FCHO2: variants seen among roughly 807,000 people sequenced by gnomAD.
FCHO2 encodes F-BAR domain only protein 2.
FCHO2 carries 43 observed loss-of-function variants against 114.1 expected under a neutral mutation model. That is an observed-to-expected ratio of 0.38 (90% CI 0.30 to 0.49). The LOEUF (loss-of-function observed/expected upper bound fraction) is 0.49, where lower values mean the gene tolerates loss of function less well. FCHO2 is among the 20% of genes least tolerant of loss of function. The pLI is 0.97. For synonymous variants in FCHO2, 293 were observed against 315.2 expected (o/e 0.93, Z 0.75); for missense variants, 807 against 950.4 (o/e 0.85, Z 1.98).
In FCHO2 at chr5:73,013,066, T is replaced by A. The variant is rs78327948; in HGVS notation, c.601-2560T>A. On this transcript the variant is annotated intron_variant, in intron 6 of 25. Transcript: ENST00000430046. ...TTGCTGAAATTTAAGTTAAGGGCCA[T>A]CCTTCTAGTAAATGCTCCTCAGTTC... is the stretch of plus-strand genomic sequence containing the variant. 6.9e-3 allele frequency among the ~76,000 whole-genome samples: 1,054 copies of A among 152,326 alleles called. 7 individuals carry two copies. The highest frequency in any genetic ancestry group is 0.025 in the African/African-American group (1,030 of 41,568).
chr5:72,959,015 C>CTTCA (rs975849303), intron 1 of FCHO2, among the ~76,000 whole-genome samples: 1 of 152,140 alleles, frequency 6.6e-6, no homozygotes, highest in African/African-American at 2.4e-5. Context: ...TGGGAATAAA[C>CTTCA]TTCAATATTT....
intron 5 of FCHO2, chr5:72,997,003 G>T: frequency 2.5e-6 from 4 of 1,576,846 alleles, no homozygotes; most frequent in Non-Finnish European, 3.5e-6. Context: ...CCCTTTTGCG[G>T]TGGCAGATCT....
intron 24 of FCHO2, among the ~76,000 whole-genome samples, chr5:73,084,733 A>C (rs1275433761): frequency 2.0e-5 from 3 of 152,202 alleles, no homozygotes; most frequent in Admixed American, 2.0e-4. Flanking sequence ...ATTCATTTAC[A>C]CCTGCCATGC....
At chr5:73,059,680 G>A (rs1757760694) in intron 17 of FCHO2, among the ~76,000 whole-genome samples, 1 of 152,100 alleles carries the variant, frequency 6.6e-6, no homozygotes, top group African/African-American at 2.4e-5. Context: ...ACCTTTTGAA[G>A]GGAAGGTAAT....
rs916612397 is a variant in FCHO2, at chr5:72,976,250, AT to A, written c.125+7670del. 6.7e-4 allele frequency among the ~76,000 whole-genome samples: 102 copies of A among 151,324 alleles called. 1 individual carries two copies. The highest frequency in any genetic ancestry group is 6.8e-3 in the Middle Eastern group (2 of 292). On this transcript the variant is annotated intron_variant, in intron 2 of 25. Transcript: ENST00000430046. The stretch of plus-strand genomic sequence containing the variant: ...ATGATGTGGAGCATCTTTGCTTTTA[AT>A]TTTTTTTTGTAGAGGCAAGGTCTTG...
intron 1 of FCHO2, among the ~76,000 whole-genome samples, chr5:72,968,145 C>T (rs921299142): frequency 2.0e-5 from 3 of 150,636 alleles, no homozygotes; most frequent in Admixed American, 6.6e-5. Context: ...AGGATAGTCT[C>T]GACCTCCTGA....
At chr5:73,029,443 C>T (rs1010628779) in intron 8 of FCHO2, among the ~76,000 whole-genome samples, 9 of 152,164 alleles carry the variant, frequency 5.9e-5, no homozygotes, top group Non-Finnish European at 8.8e-5. Flanking sequence ...GAATGTTTCA[C>T]AGTGACTGAA....
At chr5:73,078,563 G>GT (rs1239909220) in intron 22 of FCHO2, among the ~76,000 whole-genome samples, 1 of 152,122 alleles carries the variant, frequency 6.6e-6, no homozygotes, top group East Asian at 1.9e-4. Flanking sequence ...AAGACTAGCA[G>GT]TATCAGTCTT....
intron 18 of FCHO2, among the ~76,000 whole-genome samples, chr5:73,064,459 C>G (rs752608502): frequency 5.3e-5 from 8 of 152,010 alleles, no homozygotes; most frequent in East Asian, 1.9e-4. Flanking sequence ...TCTATAGACT[C>G]TATGCAGTGA....
chr5:73,076,502 T>C (rs6888510), intron 20 of FCHO2, among the ~76,000 whole-genome samples: 45,274 of 151,952 alleles, frequency 0.3, 6,973 homozygotes, highest in East Asian at 0.44. Context: ...CCATTATTTA[T>C]GGAAAAACAG....
At chr5:73,041,660 T>C (rs1430521258) in intron 11 of FCHO2, among the ~76,000 whole-genome samples, 7 of 152,098 alleles carry the variant, frequency 4.6e-5, no homozygotes, top group African/African-American at 1.4e-4. Context: ...TTCTTAGCTC[T>C]ATTAAAATAC....
chr5:73,009,419 T>G (rs182566177), intron 6 of FCHO2, among the ~76,000 whole-genome samples: 1 of 152,342 alleles, frequency 6.6e-6, no homozygotes, highest in Admixed American at 6.5e-5. Context: ...TGATGTTACT[T>G]TATAAAAAAG....
In FCHO2 at chr5:72,989,431, A is replaced by G; in HGVS notation, c.130A>G (p.Thr44Ala). 6 of 1,604,424 alleles carry G rather than the reference A, an allele frequency of 3.7e-6. No homozygotes were observed. Among genetic ancestry groups the G allele is most frequent in the Non-Finnish European group, 5.1e-6 (6 of 1,174,930 alleles). ...ELADFVRERA[T>A]IEEAYSRSMT... ...TGTGGATATTTGATTTAACAGAGCT[A>G]CCATAGAGGAGGCATACTCCAGGTC... is the stretch of plus-strand genomic sequence containing the variant. The change falls in exon 3 of 26, where the codon ACC becomes GCC. Residue 44 changes from threonine to alanine, a missense_variant. Coordinates refer to ENST00000430046, the MANE Select transcript of FCHO2 (RefSeq NM_138782.3).
intron 5 of FCHO2, chr5:72,997,591 C>A (rs896615001): frequency 7.3e-6 from 10 of 1,361,398 alleles, no homozygotes; most frequent in Non-Finnish European, 1.1e-5. Flanking sequence ...TCAGGTTCAC[C>A]GCTGATGTTC....
At chr5:72,988,119 G>T (rs1438033476) in intron 2 of FCHO2, among the ~76,000 whole-genome samples, 4 of 152,086 alleles carry the variant, frequency 2.6e-5, no homozygotes, top group Non-Finnish European at 4.4e-5. Flanking sequence ...CAGGCAAAAG[G>T]TAAAACTATA....
chr5:73,072,055 G>T (rs1030067129), intron 19 of FCHO2, among the ~76,000 whole-genome samples: 30 of 151,224 alleles, frequency 2.0e-4, no homozygotes, highest in African/African-American at 5.1e-4. Flanking sequence ...ATGAGACAGG[G>T]TCTCACTCCA....
chr5:72,969,643 C>A (rs1169915135), intron 2 of FCHO2, among the ~76,000 whole-genome samples: 2 of 152,174 alleles, frequency 1.3e-5, no homozygotes, highest in African/African-American at 4.8e-5. Context: ...GCCTTTGAGC[C>A]CTGTTTATGT....
intron 8 of FCHO2, among the ~76,000 whole-genome samples, chr5:73,026,955 G>A (rs1331778002): frequency 1.3e-5 from 2 of 150,656 alleles, no homozygotes; most frequent in Non-Finnish European, 2.9e-5. Flanking sequence ...GCCTCCCAAA[G>A]TGCTGGGATT....
At chr5:72,971,361 T>A (rs999164440) in intron 2 of FCHO2, among the ~76,000 whole-genome samples, 1 of 151,988 alleles carries the variant, frequency 6.6e-6, no homozygotes, top group African/African-American at 2.4e-5. Context: ...CTCCAGCACC[T>A]GTTGTTTCCT....
Sources: allele counts gnomAD v4.1 joint callset (sites outside exome capture counted in the v4.1 genomes callset), GRCh38; gene constraint gnomAD v4.1.1; transcripts MANE v1.5; gene names NCBI Gene and HGNC (gene_info 2026-07-23, HGNC 2026-07-21).